Variants in EFCAB6 observed in about 807,000 individuals in gnomAD.
EFCAB6 encodes EF-hand calcium-binding domain-containing protein 6.
A neutral mutation model predicts 169.8 loss-of-function variants in EFCAB6; 156 were observed. The ratio of observed to expected loss-of-function variants is 0.92; its 90% CI spans 0.81 to 1.05. The LOEUF (loss-of-function observed/expected upper bound fraction) is 1.05. EFCAB6 is among the 50% of genes least tolerant of loss of function. EFCAB6 has a pLI of 0.00. For missense variants in EFCAB6, 1,800 were observed against 1,829.1 expected (o/e 0.98, Z 0.29); for synonymous variants, 698 against 676.4 (o/e 1.03, Z -0.50).
Position 43,747,202 on chromosome 22 carries a change from G to A in EFCAB6, c.507+8564C>T, listed in dbSNP as rs181546974. Among the ~76,000 whole-genome samples, 369 of 152,292 alleles carry A rather than the reference G, an allele frequency of 2.4e-3. 1 individual carries two copies. Among genetic ancestry groups the A allele is most frequent in the Non-Finnish European group, 4.2e-3 (286 of 68,026 alleles). On this transcript the variant is annotated intron_variant, in intron 6 of 31. Coordinates refer to ENST00000262726, the MANE Select transcript of EFCAB6 (RefSeq NM_022785.4). ...AGAGTAGAAAAAGACTTTGTCTGTC[G>A]TCTCCCCCAGCATTTCCCAAAATGG...
intron 17 of EFCAB6, among the ~76,000 whole-genome samples, chr22:43,653,617 G>C (rs1343200451): frequency 2.0e-5 from 3 of 152,208 alleles, no homozygotes; most frequent in Non-Finnish European, 4.4e-5. Flanking sequence ...AATCTGGAGA[G>C]AGAAATGAAG....
At chr22:43,590,300 C>A in intron 23 of EFCAB6, 71 bp from the exon 24 acceptor site, 1 of 1,534,510 alleles carries the variant, frequency 6.5e-7, no homozygotes, top group Non-Finnish European at 8.8e-7. Context: ...GCAAACACTG[C>A]ATGATTATTC....
chr22:43,546,696 C>G (rs554976788), intron 27 of EFCAB6, among the ~76,000 whole-genome samples: 9 of 151,956 alleles, frequency 5.9e-5, no homozygotes, highest in African/African-American at 1.9e-4. Flanking sequence ...CATGGTGAAA[C>G]ACCCGTCTCT....
At chr22:43,679,650 T>TAA (rs1358730911) in intron 12 of EFCAB6, among the ~76,000 whole-genome samples, 2 of 152,192 alleles carry the variant, frequency 1.3e-5, no homozygotes, top group East Asian at 3.8e-4. Context: ...ACACTTATTA[T>TAA]TGTTTGTCTT....
chr22:43,811,805 G>A (rs1268772879), intron 1 of EFCAB6, among the ~76,000 whole-genome samples: 1 of 152,216 alleles, frequency 6.6e-6, no homozygotes, highest in Non-Finnish European at 1.5e-5. Context: ...TCAGGGGCAT[G>A]AGACATGTTG....
At chr22:43,765,242 C>T (rs562956209) in intron 5 of EFCAB6, 63 bp downstream of exon 5, 52 of 1,295,174 alleles carry the variant, frequency 4.0e-5, no homozygotes, top group African/African-American at 3.7e-4. Context: ...AATGGCTTCA[C>T]GTCATAGCTC....
chr22:43,567,219 C>T (rs535334034), intron 26 of EFCAB6, among the ~76,000 whole-genome samples: 277 of 152,256 alleles, frequency 1.8e-3, no homozygotes, highest in African/African-American at 6.4e-3. Flanking sequence ...CACAAAGGAT[C>T]TATGCTGAGA....
chr22:43,808,847 C>G (rs2063010858), intron 2 of EFCAB6, 148 bp downstream of exon 2: 1 of 152,140 alleles, frequency 6.6e-6, no homozygotes, highest in African/African-American at 2.4e-5. Flanking sequence ...AATGCTTAGG[C>G]AGGGGTTGGC....
intron 8 of EFCAB6, among the ~76,000 whole-genome samples, chr22:43,723,257 G>C (rs991281820): frequency 6.6e-6 from 1 of 152,094 alleles, no homozygotes; most frequent in Non-Finnish European, 1.5e-5. Flanking sequence ...TTGTTAAAAT[G>C]ACAACAAAAA....
intron 12 of EFCAB6, among the ~76,000 whole-genome samples, chr22:43,678,999 CATA>C (rs2057894484): frequency 6.6e-6 from 1 of 152,180 alleles, no homozygotes; most frequent in Non-Finnish European, 1.5e-5. Flanking sequence ...TTTTGAGAGT[CATA>C]ATCAATTCTT....
At chr22:43,585,395 A>G (rs1230372526) in intron 24 of EFCAB6, among the ~76,000 whole-genome samples, 1 of 152,172 alleles carries the variant, frequency 6.6e-6, no homozygotes, top group Non-Finnish European at 1.5e-5. Flanking sequence ...CTTGAAGTAT[A>G]TCAGTAGAAA....
chr22:43,610,215 AG>A (rs1445181723), intron 21 of EFCAB6, among the ~76,000 whole-genome samples: 6 of 152,370 alleles, frequency 3.9e-5, no homozygotes, highest in African/African-American at 1.4e-4. Context: ...CATATAAAAA[AG>A]GTAAGAACAC....
At chr22:43,586,366 TGTGACGTGGTCTCG>T (rs2051071826) in intron 24 of EFCAB6, among the ~76,000 whole-genome samples, 1 of 125,368 alleles carries the variant, frequency 8.0e-6, no homozygotes, top group Admixed American at 7.7e-5. Context: ...TTTTTTTTTT[TGTGACGTGGTCTCG>T]CTTTTTTTGT....
chr22:43,782,304 C>T lies in EFCAB6; in HGVS notation c.15G>A (p.Ala5=), dbSNP rs748300426. 30 of 1,612,732 alleles carry T rather than the reference C, an allele frequency of 1.9e-5. No individual in the cohort carries two copies. Among genetic ancestry groups the T allele is most frequent in the Non-Finnish European group, 2.3e-5 (27 of 1,179,720 alleles). Residue 5 remains alanine (A), a synonymous_variant, in exon 3 of 32, where the codon GCG becomes GCA. Transcript: ENST00000262726. The part of the protein sequence containing the change: MCKM[A]IIPDWLRSHP... ...GCGACCTAAGCCAGTCTGGTATAAT[C>T]GCCATTTTGCACATTAAATCCCTGT...
At chr22:43,782,462 A>G in intron 2 of EFCAB6, 137 bp from the exon 3 acceptor site, 1 of 719,140 alleles carries the variant, frequency 1.4e-6, no homozygotes, top group Non-Finnish European at 2.2e-6. Flanking sequence ...TGCTTTGCTG[A>G]TGTTTCAGAC....
intron 2 of EFCAB6, among the ~76,000 whole-genome samples, chr22:43,784,653 G>A (rs1253607725): frequency 1.1e-5 from 1 of 87,952 alleles, no homozygotes; most frequent in African/African-American, 4.5e-5. Context: ...ACATATATAT[G>A]TGTATATATA....
chr22:43,742,651 G>C (rs931357524), intron 6 of EFCAB6, among the ~76,000 whole-genome samples: 1 of 152,240 alleles, frequency 6.6e-6, no homozygotes. Flanking sequence ...CCTGGCCAGA[G>C]ACCTGGTCCC....
intron 17 of EFCAB6, among the ~76,000 whole-genome samples, chr22:43,639,075 T>A (rs929088157): frequency 6.6e-6 from 1 of 152,196 alleles, no homozygotes; most frequent in African/African-American, 2.4e-5. Flanking sequence ...CACCCTGTTC[T>A]GGTATAGTTG....
chr22:43,687,566 G>A lies in EFCAB6; in HGVS notation c.1047C>T (p.Ala349=), dbSNP rs2058252110. The change falls in exon 11 of 32, where the codon GCC becomes GCT. Residue 349 remains alanine, a synonymous_variant. Coordinates refer to ENST00000262726, the MANE Select transcript of EFCAB6 (RefSeq NM_022785.4). ...ATTGCTTCCAATTGATTTTAGTGGT[G>A]GCTTTAAGTCCAAATCTGGATTTAA... The part of the protein sequence containing the change: ...IQLMKRFGLK[A]TTKINWKQFL... 8 of 1,594,994 alleles carry A rather than the reference G, an allele frequency of 5.0e-6. No homozygotes were observed. The highest frequency in any genetic ancestry group is 6.8e-6 in the Non-Finnish European group (8 of 1,172,100).
Sources: allele counts gnomAD v4.1 joint callset (sites outside exome capture counted in the v4.1 genomes callset), GRCh38; gene constraint gnomAD v4.1.1; transcripts MANE v1.5; gene names NCBI Gene and HGNC (gene_info 2026-07-23, HGNC 2026-07-21).